PDIA4: variants seen among roughly 807,000 people sequenced by gnomAD.
PDIA4 encodes the protein protein disulfide isomerase family A member 4, also known as protein disulfide-isomerase A4.
PDIA4 carries 33 observed loss-of-function variants against 62.1 expected under a neutral mutation model. The observed-to-expected ratio is 0.53, with a 90% CI of 0.40 to 0.71. The LOEUF is 0.71. Among genes scored for constraint, PDIA4 ranks in the 30% least tolerant of loss-of-function variants. PDIA4 has a pLI of 0.00. For synonymous variants in PDIA4, 341 were observed against 324.1 expected (o/e 1.05, Z -0.56); for missense variants, 804 against 813.6 (o/e 0.99, Z 0.14).
rs185248345 is a variant in PDIA4, at chr7:149,017,306, G to A, written c.475+1686C>T. On this transcript the variant is annotated intron_variant, in intron 3 of 9. Transcript: ENST00000652332. ...AATAATTTTATTAAAATAAGAGGCC[G>A]GGCACAGTGGCTCACGCCTATAATT... 6.6e-5 allele frequency among the ~76,000 whole-genome samples: 10 copies of A among 152,174 alleles called. No individual in the cohort carries two copies. The South Asian group carries it at 8.3e-4, about 13-fold the overall frequency.
intron 8 of PDIA4, 44 bp downstream of exon 8, chr7:149,005,853 C>G (rs761617012): frequency 2.8e-6 from 4 of 1,420,636 alleles, no homozygotes; most frequent in Admixed American, 2.8e-5. Context: ...AAGAACGAGT[C>G]CCCCCACCCC....
intron 3 of PDIA4, 45 bp downstream of exon 3, chr7:149,018,947 C>A (rs759849813): frequency 2.1e-6 from 3 of 1,452,286 alleles, no homozygotes; most frequent in Non-Finnish European, 2.9e-6. Context: ...TTCCCATTCC[C>A]TGCGGGAAGG....
chr7:149,005,382 G>A lies in PDIA4; in HGVS notation c.1289-8C>T. The stretch of plus-strand genomic sequence containing the variant: ...TCCGCCAAAACTGAGTTGCTGAAAG[G>A]GACCAAGGGCCATAAGCCAGGCGGC... On this transcript the variant is annotated splice_region_variant and splice_polypyrimidine_tract_variant and intron_variant, in intron 8 of 9. Coordinates refer to ENST00000652332, the MANE Select transcript of PDIA4 (RefSeq NM_004911.5). 6.2e-7 allele frequency: 1 copy of A among 1,601,364 alleles called. No homozygotes were observed. Among genetic ancestry groups the A allele is most frequent in the Non-Finnish European group, 8.6e-7 (1 of 1,168,440 alleles).
Position 149,011,862 on chromosome 7 carries a change from C to G in PDIA4, c.963G>C (p.Gln321His). Residue 321 changes from glutamine to histidine, a missense_variant, in exon 6 of 10, where the codon CAG becomes CAC. By Grantham distance (24) the Gln-to-His change is conservative. Coordinates refer to ENST00000652332, the MANE Select transcript of PDIA4 (RefSeq NM_004911.5). ...VFKGESDPAY[Q>H]QYQDAANNLR... ...ACAACTCACCGGCATCCTGGTATTG[C>G]TGGTAGGCTGGGTCACTCTCCCCCT... 6.3e-7 allele frequency: 1 copy of G among 1,575,482 alleles called. No individual in the cohort carries two copies. Among genetic ancestry groups the G allele is most frequent in the Non-Finnish European group, 8.6e-7 (1 of 1,160,316 alleles).
intron 1 of PDIA4, among the ~76,000 whole-genome samples, chr7:149,026,354 G>GA (rs1177016004): frequency 2.0e-5 from 3 of 151,504 alleles, no homozygotes; most frequent in African/African-American, 7.3e-5. Context: ...ACCAAAAAAA[G>GA]AAAAAAAATA....
chr7:149,022,142 G>T (rs1441445524), intron 1 of PDIA4, among the ~76,000 whole-genome samples: 1 of 152,106 alleles, frequency 6.6e-6, no homozygotes, highest in African/African-American at 2.4e-5. Context: ...AAAGGGGGTG[G>T]CATTTTACCT....
At chr7:149,017,663 TAC>T (rs1324904065) in intron 3 of PDIA4, among the ~76,000 whole-genome samples, 1 of 151,696 alleles carries the variant, frequency 6.6e-6, no homozygotes, top group African/African-American at 2.4e-5. Flanking sequence ...CAAAATAAAA[TAC>T]ATTTTATCAA....
Position 149,021,071 on chromosome 7 carries a change from G to A in PDIA4, c.165C>T (p.Asp55=), listed in dbSNP as rs1824329473. 1 of 1,613,728 alleles carries A rather than the reference G, an allele frequency of 6.2e-7. No individual in the cohort carries two copies. The highest frequency in any genetic ancestry group is 1.7e-5 in the Admixed American group (1 of 59,976). ...CTCCATTTTCTTCCTTAACTTCCAA[G>A]TCGTCTTCTTCCTCATCATCATCTT... is the stretch of plus-strand genomic sequence containing the variant. ...EEEDDDEEED[D]LEVKEENGVL... is the part of the protein sequence containing the mutation. The change falls in exon 2 of 10, where the codon GAC becomes GAT. Residue 55 remains aspartate (D), a synonymous_variant. Transcript: ENST00000652332.
chr7:149,005,091 C>A (rs199679337), intron 9 of PDIA4, 50 bp downstream of exon 9: 5 of 1,451,106 alleles, frequency 3.4e-6, no homozygotes, highest in East Asian at 4.5e-5. Context: ...GGATTCCGCA[C>A]GAGGAGCACA....
chr7:149,008,290 A>G lies in PDIA4; in HGVS notation c.1000T>C (p.Tyr334His), dbSNP rs750036981. The change falls in exon 7 of 10, where the codon TAC becomes CAC. Residue 334 changes from tyrosine (Y) to histidine (H), a missense_variant. Coordinates refer to ENST00000652332, the MANE Select transcript of PDIA4 (RefSeq NM_004911.5). ...QDAANNLRED[Y>H]KFHHTFSTEI... ...GTGCTGAAAGTGTGGTGAAATTTGT[A>G]ATCTTCTCTCAGGTTGTTAGCTGAA... The G allele has an allele frequency of 6.2e-7, 1 of 1,613,802 alleles. No homozygotes were observed. Among genetic ancestry groups the G allele is most frequent in the East Asian group, 2.2e-5 (1 of 44,848 alleles).
intron 6 of PDIA4, among the ~76,000 whole-genome samples, chr7:149,009,401 A>C (rs865979913): frequency 1.4e-4 from 21 of 152,228 alleles, no homozygotes; most frequent in Admixed American, 4.6e-4. Context: ...ATTCTTTGGC[A>C]GGGGGAATGT....
rs1184341612 is a variant in PDIA4, at chr7:149,025,070, C to CAAAAA, written c.88+3246_88+3250dup. On this transcript the variant is annotated intron_variant, in intron 1 of 9. Coordinates refer to ENST00000652332, the MANE Select transcript of PDIA4 (RefSeq NM_004911.5). ...GGACAACAAGAGTGAAACTCCATCTCAAAAAAAAAAAAAAAATATATATAT... is the reference window on the plus strand; with the variant it reads ...GGACAACAAGAGTGAAACTCCATCTCAAAAAAAAAAAAAAAAAAAAATATATATAT... 4.8e-4 allele frequency among the ~76,000 whole-genome samples: 34 copies of CAAAAA among 70,210 alleles called. 1 individual carries two copies. Among genetic ancestry groups the CAAAAA allele is most frequent in the Admixed American group, 7.7e-4 (4 of 5,168 alleles). The allele number at this position is 70,210 out of a possible 152,430, so 46.1% of individuals were successfully genotyped here.
In PDIA4 at chr7:149,020,818, T is replaced by G. The variant is rs1286170431; in HGVS notation, c.269+149A>C. The G allele has an allele frequency of 8.4e-6, 11 of 1,308,536 alleles. No homozygotes were observed. The African/African-American group carries it at 1.0e-4, about 12-fold the overall frequency. The allele number at this position is 1,308,536 out of a possible 1,614,324, so 81.1% of individuals were successfully genotyped here. ...GTTCAACGCACAGTGGTAGAACGAG[T>G]GAGCTCCCAGCGTTCTTAAAGCTAG... On this transcript the variant is annotated intron_variant, in intron 2 of 9. Transcript: ENST00000652332.
chr7:149,012,283 G>C lies in PDIA4; in HGVS notation c.692C>G (p.Pro231Arg). 1 of 1,614,120 alleles carries C rather than the reference G, an allele frequency of 6.2e-7. No individual in the cohort carries two copies. The highest frequency in any genetic ancestry group is 8.5e-7 in the Non-Finnish European group (1 of 1,180,006). The change falls in exon 5 of 10, where the codon CCC (proline) becomes CGC (arginine). Residue 231 changes from proline (P) to arginine (R), a missense_variant. Coordinates refer to ENST00000652332, the MANE Select transcript of PDIA4 (RefSeq NM_004911.5). ...KELSKRSPPI[P>R]LAKVDATAET... Reference sequence around the variant, plus strand: ...TGCGGTGGCGTCGACCTTTGCCAGGGGAATTGGAGGAGAACGCTTGCTGAG... The same window carrying C: ...TGCGGTGGCGTCGACCTTTGCCAGGCGAATTGGAGGAGAACGCTTGCTGAG...
Position 149,020,054 on chromosome 7 carries a change from A to G in PDIA4, c.270-857T>C, listed in dbSNP as rs918490758. 1.4e-4 allele frequency among the ~76,000 whole-genome samples: 22 copies of G among 152,210 alleles called. 1 individual carries two copies. The highest frequency in any genetic ancestry group is 5.3e-4 in the African/African-American group (22 of 41,532). ...CAGCTAGTTGCAGCCTCCCCCTCCT[A>G]GGTTGAAGCAATTCTCCTGCCTCAG... On this transcript the variant is annotated intron_variant, in intron 2 of 9. Transcript: ENST00000652332.
intron 4 of PDIA4, among the ~76,000 whole-genome samples, chr7:149,014,688 C>G (rs368600609): frequency 1.8e-4 from 27 of 152,292 alleles, no homozygotes; most frequent in African/African-American, 6.0e-4. Context: ...TTCTCCCACC[C>G]AAGAATGGAC....
rs1026446273 is a variant in PDIA4 at position 149,003,593 on chromosome 7, A to G, written c.*201T>C. 9.8e-6 allele frequency: 4 copies of G among 409,528 alleles called. No homozygotes were observed. Among genetic ancestry groups the G allele is most frequent in the African/African-American group, 6.2e-5 (3 of 48,730 alleles). 25.4% of individuals were successfully genotyped at this position (409,528 alleles called of 1,614,324 possible). ...TGATAAAAATAGATGTATCCTCTGTAAAAATCTGGACTAAACTATTCAGTC... is the reference window on the plus strand; with the variant it reads ...TGATAAAAATAGATGTATCCTCTGTGAAAATCTGGACTAAACTATTCAGTC... On this transcript the variant is annotated 3_prime_UTR_variant, in exon 10 of 10. Coordinates refer to ENST00000652332, the MANE Select transcript of PDIA4 (RefSeq NM_004911.5).
At position 149,005,379 on chromosome 7, in the gene PDIA4, A is replaced by C; in HGVS notation, c.1289-5T>G. 1 of 1,601,830 alleles carries C rather than the reference A, an allele frequency of 6.2e-7. No homozygotes were observed. Among genetic ancestry groups the C allele is most frequent in the Non-Finnish European group, 8.6e-7 (1 of 1,168,878 alleles). On this transcript the variant is annotated splice_region_variant and splice_polypyrimidine_tract_variant and intron_variant, in intron 8 of 9. Transcript: ENST00000652332. ...TGCTCCGCCAAAACTGAGTTGCTGA[A>C]AGGGACCAAGGGCCATAAGCCAGGC...
intron 7 of PDIA4, among the ~76,000 whole-genome samples, chr7:149,007,562 A>G (rs1169277915): frequency 6.6e-6 from 1 of 152,228 alleles, no homozygotes; most frequent in Non-Finnish European, 1.5e-5. Context: ...GGCCCCTTCT[A>G]AAGCACTCAG....
Sources: allele counts gnomAD v4.1 joint callset (sites outside exome capture counted in the v4.1 genomes callset), GRCh38; gene constraint gnomAD v4.1.1; transcripts MANE v1.5; gene names NCBI Gene and HGNC (gene_info 2026-07-23, HGNC 2026-07-21).